The following CELF2 variants were observed in gnomAD, a reference collection of about 807,000 sequenced individuals.
CELF2 encodes the protein CUG triplet repeat RNA-binding protein 2.
In CELF2, 8 loss-of-function variants were observed where a neutral mutation model predicts 62.6. That is an observed-to-expected ratio of 0.13 (90% CI 0.07 to 0.23). The LOEUF (loss-of-function observed/expected upper bound fraction) is 0.23. Ranked by LOEUF, CELF2 falls within the 10% of genes least tolerant of loss-of-function variation. The pLI is 1.00. For synonymous variants in CELF2, 258 were observed against 250.0 expected, an observed-to-expected ratio of 1.03 and a Z score of -0.30; for missense variants, 333 against 671.0, an observed-to-expected ratio of 0.50 and a Z score of 5.56.
intron 2 of CELF2, among the ~76,000 whole-genome samples, chr10:10,963,874 G>A (rs139491944): frequency 6.9e-4 from 105 of 152,106 alleles, no homozygotes; most frequent in African/African-American, 2.2e-3. Context: ...TCTAGTATAC[G>A]CATCTATGTC....
chr10:10,822,909 C>T (rs2057083176), intron 1 of CELF2, among the ~76,000 whole-genome samples: 1 of 152,208 alleles, frequency 6.6e-6, no homozygotes, highest in Non-Finnish European at 1.5e-5. Flanking sequence ...AAAGAATCTA[C>T]TTATAAAGAC....
chr10:10,684,294 T>C, the CELF2 span, among the ~76,000 whole-genome samples: 2 of 152,166 alleles, frequency 1.3e-5, no homozygotes, highest in South Asian at 2.1e-4. Context: ...AATTATCTAA[T>C]TGTAGTCAGA....
In CELF2 at chr10:10,960,604, T is replaced by C. The variant is rs557054733; in HGVS notation, c.89+40605T>C. On this transcript the variant is annotated intron_variant, in intron 2 of 13. Coordinates refer to the CELF2 transcript ENST00000636488. The stretch of plus-strand genomic sequence containing the variant: ...TTGTTTTAGTGTTAAGTGTATTTTA[T>C]TGTATTGCGTATCTTGCAAATTGGT... 7.5e-4 allele frequency among the ~76,000 whole-genome samples: 115 copies of C among 152,382 alleles called. 2 individuals carry two copies. Among genetic ancestry groups the C allele is most frequent in the Non-Finnish European group, 1.4e-3 (96 of 68,044 alleles).
At chr10:10,765,868 C>G in the CELF2 span, among the ~76,000 whole-genome samples, 8 of 152,286 alleles carry the variant, frequency 5.3e-5, no homozygotes, top group Admixed American at 3.9e-4. Context: ...AACTCAGAAG[C>G]ACCAAGAGAC....
Position 11,268,768 on chromosome 10 carries a change from C to T in CELF2, c.619-1898C>T, listed in dbSNP as rs372532770. ...AGTCACATTATAATTGTTTGACTAA[C>T]GTTGTTTATTTTTAACTAATTATAT... is the stretch of plus-strand genomic sequence containing the variant. On this transcript the variant is annotated intron_variant, in intron 6 of 12. Coordinates refer to ENST00000633077, the MANE Select transcript of CELF2 (RefSeq NM_001326342.2). The surrounding 1 kb of genome is among the most constrained non-coding windows in gnomAD (Gnocchi z 4.7). Among the ~76,000 whole-genome samples, 25 of 151,888 alleles carry T rather than the reference C, an allele frequency of 1.6e-4. No homozygotes were observed. The highest frequency in any genetic ancestry group is 4.1e-4 in the South Asian group (2 of 4,826).
chr10:10,501,681 G>C, the CELF2 span, among the ~76,000 whole-genome samples: 1 of 152,002 alleles, frequency 6.6e-6, no homozygotes, highest in East Asian at 1.9e-4. Context: ...AATTCTAGGA[G>C]TTTTCCATAG....
the CELF2 span, among the ~76,000 whole-genome samples, chr10:10,792,099 T>C: frequency 1.3e-4 from 15 of 117,820 alleles, no homozygotes; most frequent in Non-Finnish European, 2.3e-4. Context: ...GGAGAGAGGT[T>C]CCTCACCACA....
chr10:11,262,977 C>A (rs960453784), intron 5 of CELF2, among the ~76,000 whole-genome samples: 1 of 54,416 alleles, frequency 1.8e-5, no homozygotes, highest in African/African-American at 7.5e-5. Context: ...TGGTGCAGAG[C>A]AAGAATTCAT....
At chr10:11,099,908 A>T (rs1050268975) in intron 1 of CELF2, among the ~76,000 whole-genome samples, 5 of 150,612 alleles carry the variant, frequency 3.3e-5, no homozygotes, top group African/African-American at 1.2e-4. Context: ...AAAAACAGAA[A>T]AAACAGCTTA....
At chr10:11,170,074 T>G (rs1346848308) in intron 2 of CELF2, among the ~76,000 whole-genome samples, 1 of 152,054 alleles carries the variant, frequency 6.6e-6, no homozygotes, top group Non-Finnish European at 1.5e-5. Flanking sequence ...TGGTGCTGAG[T>G]GTAGATGTGC....
At chr10:10,916,519 C>T (rs2064339493) in intron 1 of CELF2, among the ~76,000 whole-genome samples, 1 of 152,258 alleles carries the variant, frequency 6.6e-6, no homozygotes. Flanking sequence ...GTAGGGCCAA[C>T]ACCTTTGTCT....
chr10:10,970,060 T>C (rs980920597), intron 2 of CELF2, among the ~76,000 whole-genome samples: 2 of 151,890 alleles, frequency 1.3e-5, no homozygotes, highest in Non-Finnish European at 2.9e-5. Context: ...TTGTGTGATG[T>C]ATTTATTTAT....
At chr10:11,205,791 C>A (rs957373101) in intron 2 of CELF2, among the ~76,000 whole-genome samples, 4 of 152,208 alleles carry the variant, frequency 2.6e-5, no homozygotes, top group Non-Finnish European at 4.4e-5. Flanking sequence ...GATCTCCGTA[C>A]ACATGAAATG....
the CELF2 span, among the ~76,000 whole-genome samples, chr10:10,612,430 G>A: frequency 6.6e-6 from 1 of 152,166 alleles, no homozygotes; most frequent in Non-Finnish European, 1.5e-5. Context: ...CCAAATAATT[G>A]TTAAGAATTT....
chr10:10,625,441 C>T, the CELF2 span, among the ~76,000 whole-genome samples: 3 of 152,212 alleles, frequency 2.0e-5, no homozygotes, highest in African/African-American at 7.2e-5. Context: ...CGGAAGGCAA[C>T]ACTGCGTATC....
chr10:10,924,313 T>C lies in CELF2; in HGVS notation c.89+4314T>C, dbSNP rs528017797. On this transcript the variant is annotated intron_variant, in intron 2 of 13. Transcript: ENST00000636488. ...AAAAAAAAAAAAAAAAAAAAAAAGA[T>C]ATAAACACAGTTTATATCAACAGAG... Among the ~76,000 whole-genome samples, 298 of 101,226 alleles carry C rather than the reference T, an allele frequency of 2.9e-3. 3 individuals carry two copies. The highest frequency in any genetic ancestry group is 6.4e-3 in the Middle Eastern group (1 of 156). The allele number at this position is 101,226 out of a possible 152,430, so 66.4% of individuals were successfully genotyped here.
rs1224583486 is a variant in CELF2, at chr10:11,018,148, T to A, written c.59T>A (p.Leu20His). ...LPDMMVEGRLLVPDRINGTAN... is the reference protein window; with the variant it reads ...LPDMMVEGRLHVPDRINGTAN... ...GACATGATGGTCGAGGGCCGCCTGC[T>A]CGTTCCTGACAGAATGTGAGTGGCG... The change falls in exon 1 of 13, where the codon CTC (leucine) becomes CAC (histidine). Residue 20 changes from leucine to histidine, a missense_variant. Leu to His is a moderately conservative substitution (Grantham distance 99). Transcript: ENST00000633077. 1 of 1,523,498 alleles carries A rather than the reference T, an allele frequency of 6.6e-7. No homozygotes were observed. Among genetic ancestry groups the A allele is most frequent in the Non-Finnish European group, 8.8e-7 (1 of 1,133,234 alleles). 94.4% of individuals were successfully genotyped at this position (1,523,498 alleles called of 1,614,324 possible). A position where few individuals can be genotyped will look rare whatever the true frequency, so the allele number is the denominator to read the frequency against.
intron 3 of CELF2, among the ~76,000 whole-genome samples, chr10:11,225,366 C>A (rs2066154472): frequency 6.6e-6 from 1 of 152,168 alleles, no homozygotes; most frequent in Admixed American, 6.5e-5. Flanking sequence ...TGTACTTGAT[C>A]TGCAAAACAA....
In CELF2 at chr10:11,110,249, G is replaced by T. The variant is rs2054783589; in HGVS notation, c.75-55237G>T. Among the ~76,000 whole-genome samples, 1 of 151,994 alleles carries T rather than the reference G, an allele frequency of 6.6e-6. No individual in the cohort carries two copies. Among genetic ancestry groups the T allele is most frequent in the Non-Finnish European group, 1.5e-5 (1 of 67,992 alleles). ...TGAACGTCCTACCGCACTCCAGCAT[G>T]GGCGACAGAGCAAGACCATGTCTTA... is the stretch of plus-strand genomic sequence containing the variant. On this transcript the variant is annotated intron_variant, in intron 1 of 12. Coordinates refer to ENST00000633077, the MANE Select transcript of CELF2 (RefSeq NM_001326342.2). The surrounding 1 kb of genome is among the most constrained non-coding windows in gnomAD (Gnocchi z 4.0).
Sources: allele counts gnomAD v4.1 joint callset (sites outside exome capture counted in the v4.1 genomes callset), GRCh38; gene constraint gnomAD v4.1.1; non-coding constraint Gnocchi (gnomAD v3.1); transcripts MANE v1.5; gene names NCBI Gene and HGNC (gene_info 2026-07-23, HGNC 2026-07-21).